Variants in MORC3 observed in about 807,000 individuals in gnomAD.
MORC3 encodes MORC family CW-type zinc finger protein 3.
MORC3 carries 31 observed loss-of-function variants against 109.1 expected under a neutral mutation model. The ratio of observed to expected loss-of-function variants is 0.28; its 90% CI spans 0.21 to 0.38. The LOEUF is 0.38. Ranked by LOEUF, MORC3 falls within the 10% of genes least tolerant of loss-of-function variation. The pLI is 1.00. For synonymous variants in MORC3, 395 were observed against 380.7 expected (o/e 1.04, Z -0.44); for missense variants, 867 against 1,135.8 (o/e 0.76, Z 3.40).
intron 4 of MORC3, 60 bp downstream of exon 4, chr21:36,338,006 T>C (rs1252447937): frequency 9.6e-6 from 15 of 1,560,432 alleles, no homozygotes; most frequent in Non-Finnish European, 1.1e-5. Flanking sequence ...TTTGGAAACA[T>C]TCTATGTTTT....
chr21:36,322,888 C>CT (rs2085209125), intron 1 of MORC3, among the ~76,000 whole-genome samples: 1 of 151,908 alleles, frequency 6.6e-6, no homozygotes, highest in Non-Finnish European at 1.5e-5. Flanking sequence ...TACTTCAATG[C>CT]TTTTTTCACT....
At chr21:36,327,874 C>G (rs2085266564) in intron 1 of MORC3, among the ~76,000 whole-genome samples, 1 of 150,902 alleles carries the variant, frequency 6.6e-6, no homozygotes, top group Non-Finnish European at 1.5e-5. Flanking sequence ...CAGTGGCCTC[C>G]TTTTTTGTTT....
At chr21:36,366,080 C>A (rs2085777853) in intron 14 of MORC3, among the ~76,000 whole-genome samples, 1 of 152,154 alleles carries the variant, frequency 6.6e-6, no homozygotes, top group South Asian at 2.1e-4. Context: ...AGGTTTGTTA[C>A]ATGGGTATAT....
intron 16 of MORC3, among the ~76,000 whole-genome samples, chr21:36,374,100 T>G (rs1414025194): frequency 6.6e-6 from 1 of 152,108 alleles, no homozygotes; most frequent in African/African-American, 2.4e-5. Context: ...ATTATTATTA[T>G]TTTTTTGGAG....
intron 9 of MORC3, among the ~76,000 whole-genome samples, chr21:36,350,649 T>C (rs1457324019): frequency 6.6e-6 from 1 of 151,546 alleles, no homozygotes; most frequent in Non-Finnish European, 1.5e-5. Flanking sequence ...AAATCATCAA[T>C]ATTAGAAATG....
chr21:36,363,048 T>A (rs934859023), intron 13 of MORC3, among the ~76,000 whole-genome samples: 12 of 152,246 alleles, frequency 7.9e-5, no homozygotes, highest in Admixed American at 7.2e-4. Flanking sequence ...TCTTAATACT[T>A]ACTGTGTTAA....
intron 1 of MORC3, among the ~76,000 whole-genome samples, chr21:36,320,976 C>T (rs570307620): frequency 3.3e-5 from 5 of 152,330 alleles, no homozygotes; most frequent in African/African-American, 1.2e-4. Flanking sequence ...AACTTGAAAT[C>T]TCACGTCCAG....
chr21:36,331,032 A>C (rs914349533), intron 1 of MORC3, among the ~76,000 whole-genome samples: 1 of 152,222 alleles, frequency 6.6e-6, no homozygotes, highest in African/African-American at 2.4e-5. Flanking sequence ...GTGTGCTTCA[A>C]CTTAATGGTA....
Position 36,368,978 on chromosome 21 carries a change from T to C in MORC3, c.1620-10T>C, listed in dbSNP as rs1433782197. The C allele has an allele frequency of 6.3e-7, 1 of 1,577,776 alleles. No homozygotes were observed. The highest frequency in any genetic ancestry group is 2.3e-5 in the East Asian group (1 of 44,114). ...ATAATCTTATGTTTTATGTATAAAA[T>C]TTTTTTCAGCTTGAAACGGAGACTT... On this transcript the variant is annotated splice_polypyrimidine_tract_variant and intron_variant, in intron 14 of 16. Coordinates refer to ENST00000400485, the MANE Select transcript of MORC3 (RefSeq NM_015358.3).
chr21:36,372,135 A>G (rs73202299), intron 15 of MORC3, among the ~76,000 whole-genome samples: 5,671 of 149,780 alleles, frequency 0.038, 111 homozygotes, highest in Middle Eastern at 0.1. Context: ...TCTAGGTACC[A>G]CTTTTTTTTT....
At chr21:36,370,152 G>A (rs1569110454) in intron 15 of MORC3, among the ~76,000 whole-genome samples, 1 of 152,176 alleles carries the variant, frequency 6.6e-6, no homozygotes, top group Non-Finnish European at 1.5e-5. Flanking sequence ...AGGCTGCCGT[G>A]AGCCAAGATT....
chr21:36,368,212 T>G (rs1601541008), intron 14 of MORC3, among the ~76,000 whole-genome samples: 2 of 152,358 alleles, frequency 1.3e-5, no homozygotes, highest in East Asian at 1.9e-4. Context: ...GGGGCAATTT[T>G]AATTCAGATA....
At chr21:36,365,152 A>G (rs1024482829) in intron 14 of MORC3, among the ~76,000 whole-genome samples, 1 of 151,938 alleles carries the variant, frequency 6.6e-6, no homozygotes, top group South Asian at 2.1e-4. Flanking sequence ...CACTTAATTT[A>G]TTGGAGGAGT....
intron 15 of MORC3, among the ~76,000 whole-genome samples, chr21:36,371,870 A>G (rs144150691): frequency 0.026 from 3,925 of 150,532 alleles, 164 homozygotes; most frequent in African/African-American, 0.088. Context: ...CTGGAGTGCA[A>G]TGGCGTGATC....
chr21:36,366,236 T>C (rs117280439), intron 14 of MORC3, among the ~76,000 whole-genome samples: 4,083 of 152,142 alleles, frequency 0.027, 76 homozygotes, highest in Admixed American at 0.048. Context: ...CCCATCTTTA[T>C]GTCCATGTGT....
At position 36,362,244 on chromosome 21, in the gene MORC3, T is replaced by TC; in HGVS notation, c.1452+16_1452+17insC. ...GATCCCTCGGGTAATTAAGCCTTCT[T>TC]TTTTTTTTTTTTTTTTAAATAGAGA... On this transcript the variant is annotated intron_variant, in intron 13 of 16. Coordinates refer to ENST00000400485, the MANE Select transcript of MORC3 (RefSeq NM_015358.3). The TC allele has an allele frequency of 8.5e-6, 6 of 704,500 alleles. No individual in the cohort carries two copies. Among genetic ancestry groups the TC allele is most frequent in the Admixed American group, 3.5e-5 (1 of 28,574 alleles). The allele number at this position is 704,500 out of a possible 1,614,324, so 43.6% of individuals were successfully genotyped here. A position where few individuals can be genotyped will look rare whatever the true frequency, so the allele number is the denominator to read the frequency against.
In MORC3 at chr21:36,331,025, T is replaced by C. The variant is rs145389973; in HGVS notation, c.40-2621T>C. On this transcript the variant is annotated intron_variant, in intron 1 of 16. Transcript: ENST00000400485. ...TTCAGGATACTGTTTCTCACTTGTG[T>C]GCTTCAACTTAATGGTAAATGAAGG... 2.9e-3 allele frequency among the ~76,000 whole-genome samples: 442 copies of C among 152,342 alleles called. 2 individuals are homozygous for C. The highest frequency in any genetic ancestry group is 9.7e-3 in the African/African-American group (405 of 41,590).
At chr21:36,360,160 T>C in intron 11 of MORC3, 24 bp from the exon 12 acceptor site, 1 of 1,614,042 alleles carries the variant, frequency 6.2e-7, no homozygotes, top group South Asian at 1.1e-5. Context: ...TGACATGTTA[T>C]TCCTATGTGA....
chr21:36,369,616 A>G lies in MORC3; in HGVS notation c.2248A>G (p.Thr750Ala). The change falls in exon 15 of 17, where the codon ACC becomes GCC. Residue 750 changes from threonine (T) to alanine (A), a missense_variant. Thr to Ala is a moderately conservative substitution (Grantham distance 58). This residue lies in a region of MORC3 where 486 missense variants were observed against 502.1 expected (regional missense o/e 0.97). Transcript: ENST00000400485. ...AGAAACTTGCCATCAGTCCACTGAA[A>G]CCGATGCTGTATTTTTACTTGAAAG... ...KKETCHQSTE[T>A]DAVFLLESIN... 1 of 1,614,230 alleles carries G rather than the reference A, an allele frequency of 6.2e-7. No individual in the cohort carries two copies. The highest frequency in any genetic ancestry group is 1.1e-5 in the South Asian group (1 of 91,084).
Sources: allele counts gnomAD v4.1 joint callset (sites outside exome capture counted in the v4.1 genomes callset), GRCh38; gene constraint gnomAD v4.1.1; regional missense constraint gnomAD v4.1.1; transcripts MANE v1.5; gene names NCBI Gene and HGNC (gene_info 2026-07-23, HGNC 2026-07-21).